The following UBE3A variants were observed in gnomAD, a reference collection of about 807,000 sequenced individuals.
The protein encoded by UBE3A is ubiquitin protein ligase E3A, also known as ubiquitin-protein ligase E3A.
Under a neutral mutation model 83.4 loss-of-function variants are expected in UBE3A, and 6 were observed. The ratio of observed to expected loss-of-function variants is 0.07; its 90% CI spans 0.04 to 0.14. UBE3A has a LOEUF of 0.14. Ranked by LOEUF, UBE3A falls within the 10% of genes least tolerant of loss-of-function variation. UBE3A has a pLI of 1.00. For missense variants in UBE3A, 456 were observed against 1,036.1 expected, an observed-to-expected ratio of 0.44 and a Z score of 7.69; for synonymous variants, 337 against 355.4, an observed-to-expected ratio of 0.95 and a Z score of 0.58.
intron 1 of UBE3A, among the ~76,000 whole-genome samples, chr15:25,428,897 A>C (rs2153174886): frequency 6.6e-6 from 1 of 152,288 alleles, no homozygotes; most frequent in African/African-American, 2.4e-5. Flanking sequence ...ACCTGCACAT[A>C]CACTCATGTA....
intron 6 of UBE3A, among the ~76,000 whole-genome samples, chr15:25,368,921 T>A (rs768969232): frequency 7.9e-5 from 12 of 152,132 alleles, no homozygotes; most frequent in Non-Finnish European, 1.8e-4. Context: ...GAATGATTCT[T>A]ACAGTGTAAT....
chr15:25,339,933 A>G, intron 12 of UBE3A, 152 bp downstream of exon 12: 1 of 1,059,730 alleles, frequency 9.4e-7, no homozygotes, highest in Non-Finnish European at 1.4e-6. Flanking sequence ...ACACAATGAC[A>G]GCAAAGTATT....
chr15:25,428,091 G>C (rs1891946812), intron 1 of UBE3A, among the ~76,000 whole-genome samples: 1 of 152,102 alleles, frequency 6.6e-6, no homozygotes, highest in Non-Finnish European at 1.5e-5. Context: ...TGGGGAGTGA[G>C]AGGACAAAGG....
At chr15:25,435,747 G>A (rs545863084) in intron 1 of UBE3A, among the ~76,000 whole-genome samples, 86 of 152,232 alleles carry the variant, frequency 5.6e-4, no homozygotes, top group African/African-American at 2.0e-3. Flanking sequence ...GTGGTGTTTT[G>A]TAATAGCAGC....
At chr15:25,430,311 GATTATATATA>G (rs1260888817) in intron 1 of UBE3A, among the ~76,000 whole-genome samples, 5 of 89,206 alleles carry the variant, frequency 5.6e-5, no homozygotes, top group African/African-American at 2.3e-4. Context: ...ATATATATAA[GATTATATATA>G]TATTATATAT....
chr15:25,385,472 G>T (rs1410878734), intron 4 of UBE3A, among the ~76,000 whole-genome samples: 1 of 151,928 alleles, frequency 6.6e-6, no homozygotes, highest in Admixed American at 6.6e-5. Context: ...GGAGAAACTG[G>T]AACCCTTATG....
At chr15:25,363,458 C>T (rs1275013373) in intron 6 of UBE3A, among the ~76,000 whole-genome samples, 1 of 152,122 alleles carries the variant, frequency 6.6e-6, no homozygotes, top group Non-Finnish European at 1.5e-5. Flanking sequence ...TGTAGCATTT[C>T]ACACATAGCA....
chr15:25,420,142 C>T (rs7182827), intron 1 of UBE3A, among the ~76,000 whole-genome samples: 135,908 of 152,112 alleles, frequency 0.89, 62,275 homozygotes, highest in East Asian at 1. Flanking sequence ...GACCAATAAG[C>T]TGAAAATAAA....
intron 4 of UBE3A, among the ~76,000 whole-genome samples, chr15:25,398,033 T>C (rs1218838051): frequency 6.6e-6 from 1 of 151,570 alleles, no homozygotes; most frequent in African/African-American, 2.4e-5. Context: ...GACACCAGGT[T>C]TGGTGACAAA....
Position 25,340,147 on chromosome 15 carries a change from T to C in UBE3A, c.2436A>G (p.Ala812=), listed in dbSNP as rs746005526. ...TTAATTTTCCTAGTCCTCCCACAGGTGCTCTGTCTGTGCCCGTTGTAAACT... is the reference window on the plus strand; with the variant it reads ...TTAATTTTCCTAGTCCTCCCACAGGCGCTCTGTCTGTGCCCGTTGTAAACT... ...FLQFTTGTDR[A]PVGGLGKLKM... Residue 812 remains alanine (A), a synonymous_variant, in exon 12 of 13, where the codon GCA becomes GCG. Transcript: ENST00000648336. 6.2e-7 allele frequency: 1 copy of C among 1,614,080 alleles called. No homozygotes were observed. Among genetic ancestry groups the C allele is most frequent in the Non-Finnish European group, 8.5e-7 (1 of 1,179,970 alleles).
At chr15:25,435,553 G>A (rs748215045) in intron 1 of UBE3A, among the ~76,000 whole-genome samples, 9 of 152,106 alleles carry the variant, frequency 5.9e-5, no homozygotes, top group Non-Finnish European at 8.8e-5. Context: ...TATAAAAGAG[G>A]CCCTATAGAG....
rs752006820 is a variant in UBE3A at position 25,354,423 on chromosome 15, G to A, written c.2284C>T (p.Leu762=). Residue 762 remains leucine, a synonymous_variant, in exon 11 of 13, where the codon CTA becomes TTA. Transcript: ENST00000648336. The stretch of plus-strand genomic sequence containing the variant: ...GTTTCTTCTAGTGCTTGGAAATCTA[G>A]ATTCTGCAAATTCAAGAAAATATGT... ...IELLICGSRN[L]DFQALEETTE... is the part of the protein sequence containing the mutation. 3 of 1,613,876 alleles carry A rather than the reference G, an allele frequency of 1.9e-6. No homozygotes were observed. Among genetic ancestry groups the A allele is most frequent in the Non-Finnish European group, 2.5e-6 (3 of 1,179,918 alleles).
chr15:25,334,542 C>T lies in UBE3A; in HGVS notation c.*4595G>A, dbSNP rs2073867403. 6.8e-6 allele frequency: 1 copy of T among 147,362 alleles called. No homozygotes were observed. The highest frequency in any genetic ancestry group is 1.5e-5 in the Non-Finnish European group (1 of 67,306). The allele number at this position is 147,362 out of a possible 1,614,324, so 9.1% of individuals were successfully genotyped here. A position where few individuals can be genotyped will look rare whatever the true frequency, so the allele number is the denominator to read the frequency against. On this transcript the variant is annotated 3_prime_UTR_variant, in exon 13 of 13. Coordinates refer to ENST00000648336, the MANE Select transcript of UBE3A (RefSeq NM_130839.5). ...CCCAGCTGTTTTGCAGGAATTGACA[C>T]AATGATCATATAAAAATTCATATGC...
rs191811083 is a variant in UBE3A at position 25,426,483 on chromosome 15, G to A, written c.-165+12006C>T. On this transcript the variant is annotated intron_variant, in intron 1 of 12. Transcript: ENST00000648336. ...TATGCACACACAAAAGACTTATAAT[G>A]CAATATACTAAAAGAACTAAAGGTA... Among the ~76,000 whole-genome samples the A allele has an allele frequency of 5.0e-3, 758 of 152,176 alleles. 15 individuals carry two copies. The highest frequency in any genetic ancestry group is 3.9e-3 in the Non-Finnish European group (266 of 68,012).
Position 25,337,671 on chromosome 15 carries a change from C to G in UBE3A, c.*1466G>C, listed in dbSNP as rs1415258598. 1 of 152,058 alleles carries G rather than the reference C, an allele frequency of 6.6e-6. No individual in the cohort carries two copies. The highest frequency in any genetic ancestry group is 2.4e-5 in the African/African-American group (1 of 41,374). 9.4% of individuals were successfully genotyped at this position (152,058 alleles called of 1,614,324 possible). A position where few individuals can be genotyped will look rare whatever the true frequency, so the allele number is the denominator to read the frequency against. On this transcript the variant is annotated 3_prime_UTR_variant, in exon 13 of 13. Coordinates refer to ENST00000648336, the MANE Select transcript of UBE3A (RefSeq NM_130839.5). ...AATCATCAGGTTGATCTACAGTAATCAGTTAAAACAATCAGTCAATCAATC... is the reference window on the plus strand; with the variant it reads ...AATCATCAGGTTGATCTACAGTAATGAGTTAAAACAATCAGTCAATCAATC...
At chr15:25,350,331 A>G (rs2076318902) in intron 11 of UBE3A, among the ~76,000 whole-genome samples, 1 of 151,486 alleles carries the variant, frequency 6.6e-6, no homozygotes, top group South Asian at 2.1e-4. Context: ...CCAACCAACC[A>G]ACTCTCCCTG....
chr15:25,385,853 A>G (rs1375901760), intron 4 of UBE3A, among the ~76,000 whole-genome samples: 1 of 152,178 alleles, frequency 6.6e-6, no homozygotes, highest in African/African-American at 2.4e-5. Flanking sequence ...GAGTTACCCA[A>G]TTATAGGGGG....
At chr15:25,361,035 A>G (rs1566914736) in intron 6 of UBE3A, among the ~76,000 whole-genome samples, 1 of 152,146 alleles carries the variant, frequency 6.6e-6, no homozygotes. Context: ...AAGACTTAGT[A>G]TAAATTACCA....
At chr15:25,426,339 A>G (rs1351648269) in intron 1 of UBE3A, among the ~76,000 whole-genome samples, 1 of 152,220 alleles carries the variant, frequency 6.6e-6, no homozygotes, top group African/African-American at 2.4e-5. Flanking sequence ...TATAGTCCCA[A>G]TGATTTATTA....
Sources: allele counts gnomAD v4.1 joint callset (sites outside exome capture counted in the v4.1 genomes callset), GRCh38; gene constraint gnomAD v4.1.1; transcripts MANE v1.5; gene names NCBI Gene and HGNC (gene_info 2026-07-23, HGNC 2026-07-21).